ARPC1B: variants seen among roughly 807,000 people sequenced by gnomAD.
The protein encoded by ARPC1B is actin related protein 2/3 complex subunit 1B.
Under a neutral mutation model 46.0 loss-of-function variants are expected in ARPC1B, and 29 were observed. That is an observed-to-expected ratio of 0.63 (90% CI 0.47 to 0.86). ARPC1B has a LOEUF of 0.86. Ranked by LOEUF, ARPC1B falls within the 40% of genes least tolerant of loss-of-function variation. The pLI is 0.00. For missense variants in ARPC1B, 469 were observed against 529.4 expected (o/e 0.89, Z 1.12); for synonymous variants, 201 against 213.9 (o/e 0.94, Z 0.53).
chr7:99,385,308 G>A, intron 1 of ARPC1B, among the ~76,000 whole-genome samples: 1 of 101,728 alleles, frequency 9.8e-6, no homozygotes, highest in East Asian at 2.0e-4. Context: ...AGTTGGGTGG[G>A]GGGGGGGGGG....
At chr7:99,392,558 T>C in intron 7 of ARPC1B, 113 bp from the exon 8 acceptor site, 2 of 969,568 alleles carry the variant, frequency 2.1e-6, no homozygotes, top group Non-Finnish European at 2.9e-6. Context: ...CTGTGGCCCG[T>C]CTGTATCCTT....
Position 99,383,695 on chromosome 7 carries a change from G to A in ARPC1B, c.-13-2007G>A, listed in dbSNP as rs191890847. On this transcript the variant is annotated intron_variant, in intron 1 of 9. Transcript: ENST00000646101. ...GTGGCAGCACCAGAGCGAGAGCCGT[G>A]TGTGCCGGTATCTGGGGGAAGAGTG... Among the ~76,000 whole-genome samples the A allele has an allele frequency of 5.3e-5, 8 of 152,336 alleles. No homozygotes were observed. In the East Asian group the frequency reaches 5.8e-4, roughly 11 times the overall value.
In ARPC1B at chr7:99,391,232, A is replaced by G; in HGVS notation, c.762A>G (p.Thr254=). ...TLPLLALTFI[T]DNSLVAAGHD... ...CACTGCTGGCGCTGACCTTCATCAC[A>G]GACAACAGCCTGGTGGCAGCGGTGA... Residue 254 remains threonine, a synonymous_variant, in exon 7 of 10, where the codon ACA becomes ACG. Coordinates refer to ENST00000646101, the MANE Select transcript of ARPC1B (RefSeq NM_005720.4). The G allele has an allele frequency of 1.2e-6, 2 of 1,614,030 alleles. No individual in the cohort carries two copies. The highest frequency in any genetic ancestry group is 1.7e-6 in the Non-Finnish European group (2 of 1,179,964).
In ARPC1B at chr7:99,391,039, G is replaced by A. The variant is rs760543643; in HGVS notation, c.647G>A (p.Arg216His). The A allele has an allele frequency of 8.7e-6, 14 of 1,613,926 alleles. No individual in the cohort carries two copies. Among genetic ancestry groups the A allele is most frequent in the East Asian group, 4.5e-5 (2 of 44,888 alleles). Residue 216 changes from arginine to histidine, a missense_variant, in exon 6 of 10, where the codon CGC (arginine) becomes CAC (histidine). Arg to His is a conservative substitution (Grantham distance 29, BLOSUM62 0). Transcript: ENST00000646101. ...HGVCFSASGS[R>H]VAWVSHDSTV... Reference sequence around the variant, plus strand: ...GTCTGTTTCTCAGCCAGCGGGAGCCGCGTGGCCTGGGTAAGCCACGACAGC... The same window carrying A: ...GTCTGTTTCTCAGCCAGCGGGAGCCACGTGGCCTGGGTAAGCCACGACAGC...
chr7:99,376,345 G>A (rs1794030560), intron 1 of ARPC1B: 1 of 152,200 alleles, frequency 6.6e-6, no homozygotes, highest in South Asian at 2.1e-4. Context: ...TAAAGACTGG[G>A]AGGCTGAAAT....
Position 99,385,779 on chromosome 7 carries a change from G to C in ARPC1B, c.64+1G>C, listed in dbSNP as rs111297226. On this transcript the variant is annotated splice_donor_variant, in intron 2 of 9. Coordinates refer to ENST00000646101, the MANE Select transcript of ARPC1B (RefSeq NM_005720.4). LOFTEE classifies it high-confidence loss of function. ...CACGCCTGGAACAAGGACCGCACCC[G>C]TGAGTGCTTGCTGGGGGCCGGTGGG... 1 of 1,607,862 alleles carries C rather than the reference G, an allele frequency of 6.2e-7. No individual in the cohort carries two copies. Among genetic ancestry groups the C allele is most frequent in the Non-Finnish European group, 8.5e-7 (1 of 1,178,432 alleles).
At chr7:99,393,108 G>A (rs965707211) in intron 8 of ARPC1B, among the ~76,000 whole-genome samples, 3 of 152,214 alleles carry the variant, frequency 2.0e-5, no homozygotes, top group African/African-American at 7.2e-5. Flanking sequence ...CGGGGCCTTG[G>A]CGCCGTACTA....
intron 1 of ARPC1B, among the ~76,000 whole-genome samples, chr7:99,375,068 G>A (rs967739101): frequency 2.9e-4 from 44 of 150,338 alleles, no homozygotes; most frequent in Admixed American, 4.6e-4. Context: ...GGGGGTGGCC[G>A]CAGGGCCAGA....
chr7:99,384,713 T>G (rs1794324430), intron 1 of ARPC1B, among the ~76,000 whole-genome samples: 1 of 152,074 alleles, frequency 6.6e-6, no homozygotes, highest in African/African-American at 2.4e-5. Context: ...AATATCTGCC[T>G]TTGCCTCAGC....
Position 99,392,655 on chromosome 7 carries a change from C to T in ARPC1B, c.784-16C>T, listed in dbSNP as rs1457247827. 1 of 1,491,532 alleles carries T rather than the reference C, an allele frequency of 6.7e-7. No homozygotes were observed. Among genetic ancestry groups the T allele is most frequent in the South Asian group, 1.3e-5 (1 of 78,232 alleles). The allele number at this position is 1,491,532 out of a possible 1,614,324, so 92.4% of individuals were successfully genotyped here. ...TCCCCTCCGCGGCGCTCCAATGGCCCCCGCCCTCCGCGCAGGGCCACGACT... is the reference window on the plus strand; with the variant it reads ...TCCCCTCCGCGGCGCTCCAATGGCCTCCGCCCTCCGCGCAGGGCCACGACT... On this transcript the variant is annotated splice_polypyrimidine_tract_variant and intron_variant, in intron 7 of 9. Transcript: ENST00000646101.
intron 1 of ARPC1B, among the ~76,000 whole-genome samples, chr7:99,385,029 G>T (rs562593614): frequency 2.9e-5 from 4 of 139,822 alleles, no homozygotes; most frequent in African/African-American, 1.1e-4. Context: ...GCAGTGGTGC[G>T]ATCTCGGCTT....
chr7:99,393,737 C>G (rs1000078522), intron 8 of ARPC1B, among the ~76,000 whole-genome samples: 15 of 152,134 alleles, frequency 9.9e-5, no homozygotes, highest in African/African-American at 3.6e-4. Flanking sequence ...CCTGGCTGCC[C>G]CCACCCCCAT....
intron 1 of ARPC1B, among the ~76,000 whole-genome samples, chr7:99,385,393 A>G (rs1355558660): frequency 6.8e-6 from 1 of 146,092 alleles, no homozygotes; most frequent in Non-Finnish European, 1.5e-5. Context: ...CTAGCACCCC[A>G]CCCCGCCCCA....
chr7:99,382,573 A>G (rs1053600881), intron 1 of ARPC1B, among the ~76,000 whole-genome samples: 10 of 152,070 alleles, frequency 6.6e-5, no homozygotes, highest in Non-Finnish European at 1.5e-4. Context: ...AGGCTAAGCA[A>G]TCCTCCTGCC....
At chr7:99,389,867 T>C (rs1794510632) in intron 4 of ARPC1B, 38 bp from the exon 5 acceptor site, 1 of 1,560,676 alleles carries the variant, frequency 6.4e-7, no homozygotes, top group Admixed American at 1.7e-5. Context: ...CCCACCTGCC[T>C]GTCCCTCTCT....
intron 1 of ARPC1B, among the ~76,000 whole-genome samples, chr7:99,383,705 A>T (rs1288762882): frequency 6.6e-6 from 1 of 152,194 alleles, no homozygotes; most frequent in African/African-American, 2.4e-5. Context: ...GTGTGCCGGT[A>T]TCTGGGGGAA....
At chr7:99,379,004 C>G (rs1199878529) in intron 1 of ARPC1B, among the ~76,000 whole-genome samples, 2 of 152,000 alleles carry the variant, frequency 1.3e-5, no homozygotes, top group East Asian at 1.9e-4. Flanking sequence ...GTCTCGATCT[C>G]CTGACCTCGT....
At chr7:99,385,901 C>T (rs1794377945) in intron 2 of ARPC1B, 123 bp downstream of exon 2, 4 of 1,021,766 alleles carry the variant, frequency 3.9e-6, no homozygotes, top group Admixed American at 2.2e-5. Flanking sequence ...TGTGGCTGTC[C>T]CCTGGCCTCA....
chr7:99,381,674 C>T (rs1475458257), intron 1 of ARPC1B, among the ~76,000 whole-genome samples: 1 of 152,194 alleles, frequency 6.6e-6, no homozygotes, highest in Admixed American at 6.5e-5. Context: ...TGAAAGCAAG[C>T]GGTTTGGATC....
Sources: allele counts gnomAD v4.1 joint callset (sites outside exome capture counted in the v4.1 genomes callset), GRCh38; gene constraint gnomAD v4.1.1; transcripts MANE v1.5; gene names NCBI Gene and HGNC (gene_info 2026-07-23, HGNC 2026-07-21).